SRGAP2: variants seen among roughly 807,000 people sequenced by gnomAD.
SRGAP2 encodes SLIT-ROBO Rho GTPase activating protein 2, also known as SLIT-ROBO Rho GTPase-activating protein 2.
A neutral mutation model predicts 57.2 loss-of-function variants in SRGAP2; 15 were observed. The ratio of observed to expected loss-of-function variants is 0.26; its 90% CI spans 0.18 to 0.40. The LOEUF (loss-of-function observed/expected upper bound fraction) is 0.40. SRGAP2 is among the 10% of genes least tolerant of loss of function. The pLI is 1.00. For missense variants in SRGAP2, 520 were observed against 669.6 expected (o/e 0.78, Z 2.47); for synonymous variants, 249 against 248.0 (o/e 1.00, Z -0.04).
intron 13 of SRGAP2, among the ~76,000 whole-genome samples, chr1:206,425,943 T>C (rs1660763827): frequency 6.6e-6 from 1 of 151,404 alleles, no homozygotes; most frequent in African/African-American, 2.4e-5. Flanking sequence ...ACCTCCTGGA[T>C]TGAAGCAATT....
chr1:206,454,998 C>T lies in SRGAP2; in HGVS notation c.2481C>T (p.Ala827=), dbSNP rs782526095. 1.8e-5 allele frequency: 14 copies of T among 780,764 alleles called. No homozygotes were observed. Among genetic ancestry groups the T allele is most frequent in the Middle Eastern group, 4.5e-4 (2 of 4,464 alleles). 48.4% of individuals were successfully genotyped at this position (780,764 alleles called of 1,614,324 possible). A position where few individuals can be genotyped will look rare whatever the true frequency, so the allele number is the denominator to read the frequency against. ...GASCPSGGHV[A]DIYLANINKQ... is the part of the protein sequence containing the mutation. Reference sequence around the variant, plus strand: ...GCTGTCCCAGTGGGGGTCATGTAGCCGATATTTATCTTGCAAACATCAACA... The same window carrying T: ...GCTGTCCCAGTGGGGGTCATGTAGCTGATATTTATCTTGCAAACATCAACA... The change falls in exon 21 of 23, where the codon GCC becomes GCT. Residue 827 remains alanine, a synonymous_variant. Transcript: ENST00000573034. The surrounding 1 kb of genome is among the most constrained non-coding windows in gnomAD (Gnocchi z 4.3).
At chr1:206,332,608 T>G (rs1336136822) in intron 3 of SRGAP2, among the ~76,000 whole-genome samples, 16 of 143,032 alleles carry the variant, frequency 1.1e-4, no homozygotes, top group African/African-American at 2.9e-4. Context: ...CATCAGCTCC[T>G]GAGGCTTCTG....
chr1:206,455,922 C>T (rs1343886611), intron 21 of SRGAP2: 2 of 152,306 alleles, frequency 1.3e-5, no homozygotes, highest in Non-Finnish European at 2.9e-5. Flanking sequence ...AGGGGCCAGA[C>T]ACCAAGTCCC....
intron 3 of SRGAP2, among the ~76,000 whole-genome samples, chr1:206,307,416 A>AGGTGGAGCTGCC (rs1672298686): frequency 6.6e-6 from 1 of 152,248 alleles, no homozygotes; most frequent in African/African-American, 2.4e-5. Flanking sequence ...CCGGGGCTGC[A>AGGTGGAGCTGCC]GGTGGAGCTG....
At chr1:206,259,835 G>C (rs1204194948) in intron 2 of SRGAP2, among the ~76,000 whole-genome samples, 4 of 127,906 alleles carry the variant, frequency 3.1e-5, no homozygotes, top group African/African-American at 1.2e-4. Context: ...CACAAAGCTA[G>C]ATAAACCCAT....
intron 4 of SRGAP2, among the ~76,000 whole-genome samples, chr1:206,365,706 A>G (rs528055101): frequency 7.3e-6 from 1 of 136,638 alleles, no homozygotes; most frequent in African/African-American, 3.0e-5. Context: ...CAGCATAGGA[A>G]ATGAACATTA....
chr1:206,461,082 C>T lies in SRGAP2; in HGVS notation c.2878C>T (p.Leu960=), dbSNP rs1664228841. The change falls in exon 23 of 23, where the codon CTA becomes TTA. Residue 960 remains leucine (L), a synonymous_variant. Transcript: ENST00000573034. Reference sequence around the variant, plus strand: ...CTCGGCCCTGAATGAGCTACGGGAACTAGAACGGCAGAGCAGTGTCAAACA... The same window carrying T: ...CTCGGCCCTGAATGAGCTACGGGAATTAGAACGGCAGAGCAGTGTCAAACA... ...MNSALNELRE[L]ERQSSVKHTP... 1 of 749,594 alleles carries T rather than the reference C, an allele frequency of 1.3e-6. No individual in the cohort carries two copies. 46.4% of individuals were successfully genotyped at this position (749,594 alleles called of 1,614,324 possible).
chr1:206,240,729 T>C (rs1273063795), intron 2 of SRGAP2, among the ~76,000 whole-genome samples: 1 of 152,066 alleles, frequency 6.6e-6, no homozygotes, highest in Non-Finnish European at 1.5e-5. Flanking sequence ...AAACTAAGGC[T>C]CAGAAATTAA....
chr1:206,427,816 C>T (rs1660936219), intron 13 of SRGAP2, among the ~76,000 whole-genome samples: 1 of 152,156 alleles, frequency 6.6e-6, no homozygotes, highest in African/African-American at 2.4e-5. Flanking sequence ...TTATAAAACC[C>T]TACTGGTTTA....
rs7536609 is a variant in SRGAP2 at position 206,397,783 on chromosome 1, T to C, written c.832-3638T>C. ...AATGAAGAACAGGGCATTGTCCTCA[T>C]GCATAGCTGGAGTGTTGTAAGTGCC... On this transcript the variant is annotated intron_variant, in intron 7 of 22. Coordinates refer to ENST00000573034, the MANE Select transcript of SRGAP2 (RefSeq NM_015326.5). Among the ~76,000 whole-genome samples, 238 of 135,600 alleles carry C rather than the reference T, an allele frequency of 1.8e-3. 1 individual carries two copies. The highest frequency in any genetic ancestry group is 6.5e-3 in the African/African-American group (207 of 31,646). 89.0% of individuals were successfully genotyped at this position (135,600 alleles called of 152,430 possible).
chr1:206,306,539 G>A (rs1315461167), intron 3 of SRGAP2, among the ~76,000 whole-genome samples: 2 of 152,122 alleles, frequency 1.3e-5, no homozygotes, highest in African/African-American at 4.8e-5. Context: ...CTTCCACCGT[G>A]TGGAAGGGGA....
chr1:206,239,063 G>A (rs1381795164), intron 2 of SRGAP2, among the ~76,000 whole-genome samples: 4 of 151,924 alleles, frequency 2.6e-5, no homozygotes, highest in African/African-American at 9.7e-5. Context: ...TTTAAGAGAA[G>A]GCTATGGTCT....
chr1:206,409,658 T>G (rs1167651706), intron 10 of SRGAP2, among the ~76,000 whole-genome samples: 1 of 151,802 alleles, frequency 6.6e-6, no homozygotes, highest in Admixed American at 6.6e-5. Flanking sequence ...GGCAGGCGCC[T>G]GTAATCCCAG....
chr1:206,357,582 CTTTTTTTTTTT>C (rs781912077), intron 4 of SRGAP2, among the ~76,000 whole-genome samples: 2 of 78,052 alleles, frequency 2.6e-5, no homozygotes, highest in Non-Finnish European at 5.1e-5. Flanking sequence ...GCTATGTTGT[CTTTTTTTTTTT>C]TTTTTTTTTT....
At chr1:206,260,496 A>G (rs1553313321) in intron 2 of SRGAP2, among the ~76,000 whole-genome samples, 1 of 151,986 alleles carries the variant, frequency 6.6e-6, no homozygotes, top group Non-Finnish European at 1.5e-5. Flanking sequence ...TTCCTTATAT[A>G]TCTGTGCAGT....
chr1:206,215,019 T>C (rs1666561923), intron 2 of SRGAP2, among the ~76,000 whole-genome samples: 1 of 146,536 alleles, frequency 6.8e-6, no homozygotes, highest in Non-Finnish European at 1.5e-5. Context: ...CTTCTGAATG[T>C]AGGAATGTTT....
chr1:206,375,821 C>T (rs1411961419), intron 4 of SRGAP2, among the ~76,000 whole-genome samples: 1 of 152,088 alleles, frequency 6.6e-6, no homozygotes, highest in African/African-American at 2.4e-5. Context: ...CCACAAAGTT[C>T]ACATCATGCC....
intron 3 of SRGAP2, among the ~76,000 whole-genome samples, chr1:206,321,945 G>A (rs1462391483): frequency 6.6e-6 from 1 of 152,000 alleles, no homozygotes; most frequent in African/African-American, 2.4e-5. Context: ...AGAAACCATG[G>A]ATGCTAAATA....
intron 2 of SRGAP2, among the ~76,000 whole-genome samples, chr1:206,230,451 A>C (rs1356335158): frequency 1.4e-5 from 2 of 138,232 alleles, no homozygotes; most frequent in East Asian, 4.1e-4. Flanking sequence ...AGAGGGCCCT[A>C]CACTGTCTTC....
Sources: allele counts gnomAD v4.1 joint callset (sites outside exome capture counted in the v4.1 genomes callset), GRCh38; gene constraint gnomAD v4.1.1; non-coding constraint Gnocchi (gnomAD v3.1); transcripts MANE v1.5; gene names NCBI Gene and HGNC (gene_info 2026-07-23, HGNC 2026-07-21).